The following SLCO3A1 variants were observed in gnomAD, a reference collection of about 807,000 sequenced individuals.
SLCO3A1 encodes PGE1 transporter.
In SLCO3A1, 27 loss-of-function variants were observed where a neutral mutation model predicts 63.1. That is an observed-to-expected ratio of 0.43 (90% CI 0.32 to 0.59). The LOEUF is 0.59. Among genes scored for constraint, SLCO3A1 ranks in the 20% least tolerant of loss-of-function variants. The probability of loss-of-function intolerance (pLI) is 0.09; values close to 1 mark genes in which losing one functional copy is unlikely to be tolerated. For synonymous variants in SLCO3A1, 473 were observed against 409.9 expected, an observed-to-expected ratio of 1.15 and a Z score of -1.86; for missense variants, 773 against 945.8, an observed-to-expected ratio of 0.82 and a Z score of 2.40.
chr15:91,939,963 G>C (rs941188976), intron 2 of SLCO3A1, among the ~76,000 whole-genome samples: 2 of 152,162 alleles, frequency 1.3e-5, no homozygotes, highest in African/African-American at 2.4e-5. Flanking sequence ...GAAAGTAGCA[G>C]TCCAACCTTG....
chr15:91,871,526 T>G (rs1157569020), intron 1 of SLCO3A1, among the ~76,000 whole-genome samples: 1 of 152,180 alleles, frequency 6.6e-6, no homozygotes, highest in African/African-American at 2.4e-5. Flanking sequence ...AGCAGATGTT[T>G]TCTCTCTTCC....
Position 92,150,958 on chromosome 15 carries a change from G to GA in SLCO3A1, c.1697_1698insA (p.Ser566ArgfsTer3). The GA allele has an allele frequency of 6.2e-7, 1 of 1,612,150 alleles. No individual in the cohort carries two copies. Among genetic ancestry groups the GA allele is most frequent in the Non-Finnish European group, 8.5e-7 (1 of 1,179,226 alleles). On this transcript the variant is annotated frameshift_variant, in exon 9 of 10. Transcript: ENST00000318445. LOFTEE classifies it high-confidence loss of function. Reference sequence around the variant, plus strand: ...CATCTCTTTGCACGTAGGACAGTCAGCCCTGAACTCAAGTCTTACGCTTTG... The same window carrying GA: ...CATCTCTTTGCACGTAGGACAGTCAGACCCTGAACTCAAGTCTTACGCTTTG...
chr15:92,068,061 G>C (rs1352902484), intron 2 of SLCO3A1, among the ~76,000 whole-genome samples: 1 of 151,970 alleles, frequency 6.6e-6, no homozygotes, highest in Non-Finnish European at 1.5e-5. Context: ...CATTACCCTG[G>C]GTATTAGGAT....
chr15:92,065,710 CT>C (rs2047142841), intron 2 of SLCO3A1, among the ~76,000 whole-genome samples: 1 of 152,106 alleles, frequency 6.6e-6, no homozygotes, highest in Non-Finnish European at 1.5e-5. Flanking sequence ...TTATTTCCTT[CT>C]TTTTTTAACA....
intron 1 of SLCO3A1, among the ~76,000 whole-genome samples, chr15:91,911,110 T>C (rs1179692729): frequency 6.6e-6 from 1 of 152,236 alleles, no homozygotes; most frequent in Non-Finnish European, 1.5e-5. Flanking sequence ...CTCTCCCTTT[T>C]GGGCTAAGTG....
At chr15:92,169,405 C>T (rs975431949), downstream of SLCO3A1, among the ~76,000 whole-genome samples, 1 of 152,234 alleles carries the variant, frequency 6.6e-6, no homozygotes, top group Non-Finnish European at 1.5e-5. Flanking sequence ...ATCAAGAAGA[C>T]CCTGGCCCGA....
intron 1 of SLCO3A1, among the ~76,000 whole-genome samples, chr15:91,858,095 A>C (rs2141833356): frequency 6.6e-6 from 1 of 152,254 alleles, no homozygotes; most frequent in East Asian, 1.9e-4. Flanking sequence ...GGTGAGGCGA[A>C]ACTGCTAGGT....
chr15:92,135,252 A>G (rs537818278), intron 7 of SLCO3A1, among the ~76,000 whole-genome samples: 1 of 152,304 alleles, frequency 6.6e-6, no homozygotes, highest in Non-Finnish European at 1.5e-5. Flanking sequence ...ACTGTGTCCT[A>G]TGTTAGATAG....
intron 9 of SLCO3A1, among the ~76,000 whole-genome samples, chr15:92,154,433 G>GAAATGTGGCTTCT (rs2048346362): frequency 2.0e-5 from 3 of 152,348 alleles, no homozygotes; most frequent in Non-Finnish European, 1.5e-5. Flanking sequence ...TTGCACACTT[G>GAAATGTGGCTTCT]AAATGTGGCT....
chr15:92,050,169 T>G (rs1485449927), intron 2 of SLCO3A1, among the ~76,000 whole-genome samples: 1 of 152,232 alleles, frequency 6.6e-6, no homozygotes, highest in Admixed American at 6.5e-5. Flanking sequence ...GGACTTTTTC[T>G]GGTGATGCTG....
chr15:91,964,159 T>C (rs541936690), intron 2 of SLCO3A1, among the ~76,000 whole-genome samples: 1 of 152,156 alleles, frequency 6.6e-6, no homozygotes, highest in South Asian at 2.1e-4. Context: ...TTTATGAAAG[T>C]AGGTTTTCAG....
chr15:92,104,989 C>T (rs1314720311), intron 4 of SLCO3A1, among the ~76,000 whole-genome samples: 2 of 151,216 alleles, frequency 1.3e-5, no homozygotes, highest in Admixed American at 6.6e-5. Context: ...CCAGCCACCG[C>T]GCCCGGTGTA....
chr15:91,977,501 T>G (rs957044765), intron 2 of SLCO3A1, among the ~76,000 whole-genome samples: 10 of 152,150 alleles, frequency 6.6e-5, no homozygotes, highest in Non-Finnish European at 1.5e-4. Flanking sequence ...AAAGTGGGGT[T>G]CTCAGACATG....
chr15:92,148,020 C>T (rs1470193875), intron 8 of SLCO3A1, among the ~76,000 whole-genome samples: 1 of 152,114 alleles, frequency 6.6e-6, no homozygotes, highest in Middle Eastern at 3.2e-3. Flanking sequence ...GGTTTGAGAC[C>T]AGCCTAGCCA....
rs1017869737 is a variant in SLCO3A1 at position 92,163,207 on chromosome 15, T to C, written c.*72T>C. ...TTTTTCTTAAAAAAAGAAAAAAAGG[T>C]TCCAAAAAAAACCAAAACTCAGTAC... On this transcript the variant is annotated 3_prime_UTR_variant, in exon 10 of 10. Transcript: ENST00000318445. 3.0e-5 allele frequency: 43 copies of C among 1,444,120 alleles called. No individual in the cohort carries two copies. Among genetic ancestry groups the C allele is most frequent in the Non-Finnish European group, 3.8e-5 (42 of 1,106,244 alleles). 89.5% of individuals were successfully genotyped at this position (1,444,120 alleles called of 1,614,324 possible).
chr15:91,981,165 G>A (rs2045979383), intron 2 of SLCO3A1, among the ~76,000 whole-genome samples: 1 of 152,142 alleles, frequency 6.6e-6, no homozygotes, highest in Admixed American at 6.5e-5. Flanking sequence ...GCTGGGGTGG[G>A]ATGATTCGGA....
rs531578184 is a variant in SLCO3A1, at chr15:91,974,469, A to G, written c.646+58011A>G. Among the ~76,000 whole-genome samples, 4 of 152,008 alleles carry G rather than the reference A, an allele frequency of 2.6e-5. No homozygotes were observed. In the South Asian group the frequency reaches 8.3e-4, roughly 32 times the overall value. ...GCACCTTGGCCTGGAGAAACAGAGG[A>G]GGGTGAAGGTTTCTGGGTGAGTCAC... On this transcript the variant is annotated intron_variant, in intron 2 of 9. Transcript: ENST00000318445.
intron 2 of SLCO3A1, among the ~76,000 whole-genome samples, chr15:92,074,841 C>G (rs535771338): frequency 6.6e-6 from 1 of 152,324 alleles, no homozygotes; most frequent in East Asian, 1.9e-4. Context: ...CTGCTTCCTC[C>G]CTGTGCTGAG....
At chr15:92,069,331 A>T (rs1182129756) in intron 2 of SLCO3A1, among the ~76,000 whole-genome samples, 2 of 152,160 alleles carry the variant, frequency 1.3e-5, no homozygotes, top group East Asian at 3.9e-4. Flanking sequence ...ATCCAGATAG[A>T]TACGCAGATA....
Sources: gnomAD v4.1 joint callset for allele counts (sites outside exome capture counted in the v4.1 genomes callset) on GRCh38, gnomAD v4.1.1 for gene constraint, MANE v1.5 for transcripts, NCBI Gene and HGNC (gene_info 2026-07-23, HGNC 2026-07-21) for gene names.